CRB1: variants seen among roughly 807,000 people sequenced by gnomAD.
CRB1 encodes the protein crumbs cell polarity complex component 1, also known as protein crumbs homolog 1.
In CRB1, 83 loss-of-function variants were observed where a neutral mutation model predicts 120.0. The ratio of observed to expected loss-of-function variants is 0.69; its 90% CI spans 0.58 to 0.83. The LOEUF (loss-of-function observed/expected upper bound fraction) is 0.83. Ranked by LOEUF, CRB1 falls within the 40% of genes least tolerant of loss-of-function variation. CRB1 has a pLI of 0.00. For synonymous variants in CRB1, 625 were observed against 612.5 expected, an observed-to-expected ratio of 1.02 and a Z score of -0.30; for missense variants, 1,699 against 1,687.6, an observed-to-expected ratio of 1.01 and a Z score of -0.12.
intron 11 of CRB1, among the ~76,000 whole-genome samples, chr1:197,449,363 T>A (rs994926675): frequency 1.3e-5 from 2 of 152,020 alleles, no homozygotes; most frequent in Non-Finnish European, 2.9e-5. Context: ...ATTATTATTA[T>A]TTTATTTTAT....
Position 197,371,367 on chromosome 1 carries a change from T to C in CRB1, c.1171+14354T>C, listed in dbSNP as rs553339601. 1.3e-4 allele frequency among the ~76,000 whole-genome samples: 20 copies of C among 152,224 alleles called. No homozygotes were observed. In the South Asian group the frequency reaches 3.9e-3, roughly 30 times the overall value. ...CACTTTAAATTTATGGTGCCAAATCTCATGGGGCCTTTAGCACTAGATAAA... is the reference window on the plus strand; with the variant it reads ...CACTTTAAATTTATGGTGCCAAATCCCATGGGGCCTTTAGCACTAGATAAA... On this transcript the variant is annotated intron_variant, in intron 5 of 11. Transcript: ENST00000367400.
chr1:197,442,369 G>T (rs190087193), intron 11 of CRB1, 77 bp downstream of exon 11: 5 of 1,610,050 alleles, frequency 3.1e-6, no homozygotes, highest in African/African-American at 2.7e-5. Context: ...CTCATTTTGC[G>T]TATGAATGAC....
intron 11 of CRB1, chr1:197,442,654 T>A (rs1052011421): frequency 5.1e-6 from 4 of 781,564 alleles, no homozygotes; most frequent in Non-Finnish European, 7.5e-6. Flanking sequence ...TATCTCCTTA[T>A]TGTGTGTATT....
In CRB1 at chr1:197,435,455, T is replaced by C. The variant is rs756298756; in HGVS notation, c.3592T>C (p.Tyr1198His). 1.1e-5 allele frequency: 18 copies of C among 1,596,154 alleles called. No individual in the cohort carries two copies. The highest frequency in any genetic ancestry group is 1.5e-5 in the Non-Finnish European group (18 of 1,170,724). The change falls in exon 9 of 12, where the codon TAC (tyrosine) becomes CAC (histidine). Residue 1198 changes from tyrosine (Y) to histidine (H), a missense_variant. By Grantham distance (83) the Tyr-to-His change is moderately conservative. Transcript: ENST00000367400. ...CAACTGCTCTGACAGAGTTGCAGCC[T>C]ACCACTGCACATGTGAGCCTGGATA... ...HGNCSDRVAA[Y>H]HCTCEPGYTG...
At chr1:197,436,686 T>A (rs1050239948) in intron 9 of CRB1, among the ~76,000 whole-genome samples, 1 of 152,134 alleles carries the variant, frequency 6.6e-6, no homozygotes, top group African/African-American at 2.4e-5. Flanking sequence ...AAACTAGTAT[T>A]TGAAGTCATC....
rs747565495 is a variant in CRB1, at chr1:197,356,872, A to C, written c.1030A>C (p.Asn344His). 6.2e-7 allele frequency: 1 copy of C among 1,614,228 alleles called. No homozygotes were observed. The highest frequency in any genetic ancestry group is 1.7e-5 in the Admixed American group (1 of 60,028). ...AQCEIDLNEC[N>H]SNPCQSNGEC... is the part of the protein sequence containing the mutation. Reference sequence around the variant, plus strand: ...GTGTGAGATCGACCTCAATGAATGCAATAGTAACCCCTGCCAGTCCAATGG... The same window carrying C: ...GTGTGAGATCGACCTCAATGAATGCCATAGTAACCCCTGCCAGTCCAATGG... Residue 344 changes from asparagine (N) to histidine (H), a missense_variant, in exon 5 of 12, where the codon AAT becomes CAT. Asn to His is a moderately conservative substitution (Grantham distance 68, BLOSUM62 1). Coordinates refer to ENST00000367400, the MANE Select transcript of CRB1 (RefSeq NM_201253.3).
At chr1:197,394,586 A>G (rs576934751) in intron 5 of CRB1, among the ~76,000 whole-genome samples, 1 of 152,076 alleles carries the variant, frequency 6.6e-6, no homozygotes, top group Non-Finnish European at 1.5e-5. Flanking sequence ...ATTAATTTAT[A>G]CACTCAAATT....
At chr1:197,261,666 ATTG>A in the CRB1 span, among the ~76,000 whole-genome samples, 1 of 152,148 alleles carries the variant, frequency 6.6e-6, no homozygotes, top group Admixed American at 6.6e-5. Context: ...GGAGTGTGGG[ATTG>A]TTGTTCATCA....
At chr1:197,376,095 G>C (rs190699109) in intron 5 of CRB1, among the ~76,000 whole-genome samples, 7 of 151,896 alleles carry the variant, frequency 4.6e-5, no homozygotes, top group Non-Finnish European at 7.4e-5. Flanking sequence ...TTTTCTTCTT[G>C]TTCACTATCA....
At chr1:197,400,483 T>TTGATGATGA in intron 5 of CRB1, among the ~76,000 whole-genome samples, 1 of 151,356 alleles carries the variant, frequency 6.6e-6, no homozygotes, top group African/African-American at 2.4e-5. Flanking sequence ...TTTTTTTTTT[T>TTGATGATGA]TGATGATGAT....
At chr1:197,407,714 C>T (rs1437497914) in intron 5 of CRB1, among the ~76,000 whole-genome samples, 5 of 152,130 alleles carry the variant, frequency 3.3e-5, no homozygotes, top group Non-Finnish European at 7.4e-5. Context: ...TAATCACACC[C>T]ACTCCCACTA....
intron 8 of CRB1, 63 bp downstream of exon 8, chr1:197,429,677 G>A (rs998837658): frequency 2.8e-5 from 43 of 1,529,070 alleles, no homozygotes; most frequent in Middle Eastern, 1.8e-4. Flanking sequence ...TGTTCCAAGA[G>A]CAAACACAGA....
At chr1:197,291,793 G>A (rs1656198271) in intron 1 of CRB1, among the ~76,000 whole-genome samples, 1 of 151,658 alleles carries the variant, frequency 6.6e-6, no homozygotes, top group Non-Finnish European at 1.5e-5. Flanking sequence ...ATACAACATT[G>A]CAAGTTTCAT....
the CRB1 span, among the ~76,000 whole-genome samples, chr1:197,206,466 C>T: frequency 6.6e-6 from 1 of 152,164 alleles, no homozygotes; most frequent in African/African-American, 2.4e-5. Flanking sequence ...TGTTATTGTT[C>T]AGTTCAGAGA....
chr1:197,394,501 C>A (rs189651617), intron 5 of CRB1, among the ~76,000 whole-genome samples: 4 of 151,880 alleles, frequency 2.6e-5, no homozygotes, highest in Admixed American at 6.6e-5. Flanking sequence ...CAACTGTATA[C>A]CTTTTATATC....
At chr1:197,219,822 C>T in the CRB1 span, among the ~76,000 whole-genome samples, 3 of 152,206 alleles carry the variant, frequency 2.0e-5, no homozygotes, top group Non-Finnish European at 1.5e-5. Context: ...TCTTTTACTT[C>T]CTGTAAGTCA....
In CRB1 at chr1:197,427,731, A is replaced by G; in HGVS notation, c.2406A>G (p.Pro802=). ...NVHLISLKIK[P]YKIELYQSSQ... is the part of the protein sequence containing the mutation. ...ACTTGATATCTTTGAAAATCAAGCC[A>G]TATAAAATTGAACTGTATCAGTCTT... The change falls in exon 7 of 12, where the codon CCA becomes CCG. Residue 802 remains proline (P), a synonymous_variant. Transcript: ENST00000367400. The G allele has an allele frequency of 6.2e-7, 1 of 1,614,004 alleles. No individual in the cohort carries two copies.
At chr1:197,439,955 T>G (rs756005197) in intron 10 of CRB1, 1 of 152,186 alleles carries the variant, frequency 6.6e-6, no homozygotes, top group Non-Finnish European at 1.5e-5. Flanking sequence ...GCAGCCTGCC[T>G]TCTGTGGTTG....
At chr1:197,304,538 G>T (rs1657055321) in intron 1 of CRB1, 1 of 207,126 alleles carries the variant, frequency 4.8e-6, no homozygotes, top group Non-Finnish European at 8.5e-6. Context: ...GACTTGCTCA[G>T]CCTTCATCCC....
Sources: gnomAD v4.1 joint callset for allele counts (sites outside exome capture counted in the v4.1 genomes callset) on GRCh38, gnomAD v4.1.1 for gene constraint, MANE v1.5 for transcripts, NCBI Gene and HGNC (gene_info 2026-07-23, HGNC 2026-07-21) for gene names.